The following RGS7 variants were observed in gnomAD, a reference collection of about 807,000 sequenced individuals.
The protein encoded by RGS7 is regulator of G protein signaling 7, also known as regulator of G-protein signaling 7.
RGS7 carries 27 observed loss-of-function variants against 81.1 expected under a neutral mutation model. The observed-to-expected ratio is 0.33, with a 90% CI of 0.25 to 0.46. The LOEUF is 0.46. RGS7 is among the 20% of genes least tolerant of loss of function. RGS7 has a pLI of 1.00. For missense variants in RGS7, 396 were observed against 607.4 expected (o/e 0.65, Z 3.66); for synonymous variants, 208 against 207.7 (o/e 1.00, Z -0.01).
At chr1:241,175,753 G>A (rs1179114113) in intron 2 of RGS7, among the ~76,000 whole-genome samples, 1 of 152,194 alleles carries the variant, frequency 6.6e-6, no homozygotes, top group Non-Finnish European at 1.5e-5. Context: ...TACGAAGACT[G>A]AACTTTATTT....
At chr1:241,095,414 G>A (rs1049695560) in intron 3 of RGS7, among the ~76,000 whole-genome samples, 1 of 152,182 alleles carries the variant, frequency 6.6e-6, no homozygotes, top group African/African-American at 2.4e-5. Flanking sequence ...GGCCAAGGCA[G>A]GAAGATCACT....
chr1:241,065,407 A>C (rs2062003599), intron 3 of RGS7, among the ~76,000 whole-genome samples: 1 of 151,868 alleles, frequency 6.6e-6, no homozygotes, highest in Admixed American at 6.6e-5. Context: ...ATTCTGCCAA[A>C]TTTTATAGAG....
chr1:240,811,024 T>C lies in RGS7; in HGVS notation c.1082+894A>G, dbSNP rs367941249. On this transcript the variant is annotated intron_variant, in intron 14 of 18. Transcript: ENST00000440928. ...AGCGTCCTACATCTTTCTGAATGGT[T>C]TGGGATTCCTACCTGTTAAATCTCC... Among the ~76,000 whole-genome samples, 147 of 152,318 alleles carry C rather than the reference T, an allele frequency of 9.7e-4. 3 individuals are homozygous for C. The South Asian group carries it at 0.03, about 31-fold the overall frequency.
chr1:240,980,476 TAGGCATGGGTTTCTTTCTTA>T (rs1249166680), intron 4 of RGS7, among the ~76,000 whole-genome samples: 3 of 152,158 alleles, frequency 2.0e-5, no homozygotes, highest in African/African-American at 7.2e-5. Flanking sequence ...AGACAGAAAC[TAGGCATGGGTTTCTTTCTTA>T]TTTTAAAACA....
chr1:241,091,376 G>A (rs941152722), intron 3 of RGS7, among the ~76,000 whole-genome samples: 3 of 151,508 alleles, frequency 2.0e-5, no homozygotes, highest in African/African-American at 4.9e-5. Flanking sequence ...GTGAAACCCC[G>A]TCTCTATTAA....
chr1:241,208,406 T>C (rs1479276235), intron 2 of RGS7, among the ~76,000 whole-genome samples: 1 of 152,070 alleles, frequency 6.6e-6, no homozygotes, highest in Non-Finnish European at 1.5e-5. Context: ...GCAAGAAAGA[T>C]GGGAAAACGG....
intron 2 of RGS7, among the ~76,000 whole-genome samples, chr1:241,263,500 T>A (rs1318209448): frequency 6.6e-6 from 1 of 152,124 alleles, no homozygotes; most frequent in Non-Finnish European, 1.5e-5. Flanking sequence ...TTCTCTGGCT[T>A]ATTTTGGCAA....
intron 3 of RGS7, among the ~76,000 whole-genome samples, chr1:241,043,883 C>T (rs546850159): frequency 4.6e-5 from 7 of 151,738 alleles, no homozygotes; most frequent in Admixed American, 2.0e-4. Flanking sequence ...TGAGCATCCA[C>T]GGATATTGGT....
intron 2 of RGS7, among the ~76,000 whole-genome samples, chr1:241,272,669 T>C (rs2077979416): frequency 6.6e-6 from 1 of 152,178 alleles, no homozygotes; most frequent in South Asian, 2.1e-4. Context: ...CATTTTCCTC[T>C]CTTCTAGACT....
intron 9 of RGS7, among the ~76,000 whole-genome samples, chr1:240,835,873 T>C (rs1352776508): frequency 1.3e-5 from 2 of 152,182 alleles, no homozygotes. Context: ...TATGACATTC[T>C]GGAAAAGGCG....
chr1:241,210,972 T>G (rs1341870648), intron 2 of RGS7, among the ~76,000 whole-genome samples: 1 of 152,182 alleles, frequency 6.6e-6, no homozygotes, highest in Non-Finnish European at 1.5e-5. Context: ...CACCTGTACT[T>G]CTAAGTGTTT....
rs193284156 is a variant in RGS7, at chr1:241,316,225, C to A, written c.78+39474G>T. Among the ~76,000 whole-genome samples the A allele has an allele frequency of 5.1e-3, 773 of 152,302 alleles. 4 individuals are homozygous for A. Among genetic ancestry groups the A allele is most frequent in the Middle Eastern group, 0.01 (3 of 294 alleles). On this transcript the variant is annotated intron_variant, in intron 2 of 18. Coordinates refer to ENST00000440928, the MANE Select transcript of RGS7 (RefSeq NM_001364886.1). ...AGGCATGCCACCCTCCAGGAACCTC[C>A]AAGTGTTCACCTCTCTCTGAACCCA...
chr1:240,788,503 T>C (rs886274155), intron 18 of RGS7, among the ~76,000 whole-genome samples: 3 of 152,154 alleles, frequency 2.0e-5, no homozygotes, highest in Non-Finnish European at 4.4e-5. Flanking sequence ...TCACTGAGAA[T>C]TGGTTAAACA....
At chr1:241,310,448 TGTGTGTGTGTGA>T (rs1328677009) in intron 2 of RGS7, among the ~76,000 whole-genome samples, 1 of 111,584 alleles carries the variant, frequency 9.0e-6, no homozygotes, top group Non-Finnish European at 2.1e-5. Context: ...TGTGTGTGAG[TGTGTGTGTGTGA>T]GAGTGTGTGT....
chr1:240,822,987 T>G, intron 10 of RGS7: 1 of 531,396 alleles, frequency 1.9e-6, no homozygotes, highest in Non-Finnish European at 3.4e-6. Context: ...CTATTCATCA[T>G]TTTGTTTTTA....
intron 18 of RGS7, among the ~76,000 whole-genome samples, chr1:240,786,818 G>C (rs916247040): frequency 1.3e-5 from 2 of 152,134 alleles, no homozygotes; most frequent in Non-Finnish European, 2.9e-5. Flanking sequence ...TCCAACAGTA[G>C]ATATGTCTTG....
intron 2 of RGS7, among the ~76,000 whole-genome samples, chr1:241,251,979 G>A (rs147073903): frequency 9.6e-4 from 146 of 152,072 alleles, no homozygotes; most frequent in Non-Finnish European, 1.8e-3. Context: ...GAGTCCAAGC[G>A]TGACTTATAG....
intron 9 of RGS7, among the ~76,000 whole-genome samples, chr1:240,860,122 C>A (rs1661928376): frequency 6.6e-6 from 1 of 152,134 alleles, no homozygotes; most frequent in South Asian, 2.1e-4. Context: ...AGAGTGCAAT[C>A]TCTTCTAGTG....
chr1:241,246,257 T>C (rs763642804), intron 2 of RGS7, among the ~76,000 whole-genome samples: 4 of 152,016 alleles, frequency 2.6e-5, no homozygotes, highest in Non-Finnish European at 4.4e-5. Flanking sequence ...CAGAGTCTGC[T>C]TGAGGGTGAG....
Sources: gnomAD v4.1 joint callset for allele counts (sites outside exome capture counted in the v4.1 genomes callset) on GRCh38, gnomAD v4.1.1 for gene constraint, MANE v1.5 for transcripts, NCBI Gene and HGNC (gene_info 2026-07-23, HGNC 2026-07-21) for gene names.